The following PROS1 variants were observed in gnomAD, a reference collection of about 807,000 sequenced individuals.
The protein encoded by PROS1 is vitamin K-dependent protein S.
A neutral mutation model predicts 75.9 loss-of-function variants in PROS1; 29 were observed. The observed-to-expected ratio is 0.38, with a 90% CI of 0.28 to 0.52. The LOEUF (loss-of-function observed/expected upper bound fraction) is 0.52. Ranked by LOEUF, PROS1 falls within the 20% of genes least tolerant of loss-of-function variation. The probability of loss-of-function intolerance (pLI) is 0.83; values close to 1 mark genes in which losing one functional copy is unlikely to be tolerated. For missense variants in PROS1, 680 were observed against 810.3 expected, an observed-to-expected ratio of 0.84 and a Z score of 1.95; for synonymous variants, 245 against 280.6, an observed-to-expected ratio of 0.87 and a Z score of 1.27.
At chr3:93,948,200 T>G (rs1709436096) in intron 1 of PROS1, among the ~76,000 whole-genome samples, 2 of 151,712 alleles carry the variant, frequency 1.3e-5, no homozygotes, top group Non-Finnish European at 2.9e-5. Flanking sequence ...AAAATAGAGG[T>G]AATTGAAGAC....
At chr3:93,946,971 G>GA (rs761348786) in intron 1 of PROS1, among the ~76,000 whole-genome samples, 20 of 151,820 alleles carry the variant, frequency 1.3e-4, no homozygotes, top group East Asian at 5.8e-4. Flanking sequence ...AAATTTACAA[G>GA]AAAAAATCAA....
chr3:93,943,970 ACT>A (rs1465478170), intron 1 of PROS1, among the ~76,000 whole-genome samples: 2 of 151,898 alleles, frequency 1.3e-5, no homozygotes, highest in Admixed American at 6.6e-5. Flanking sequence ...TCCTTCACTG[ACT>A]CTCTTTTTGA....
intron 6 of PROS1, among the ~76,000 whole-genome samples, chr3:93,903,939 A>T (rs1708634685): frequency 6.7e-6 from 1 of 150,008 alleles, no homozygotes; most frequent in African/African-American, 2.4e-5. Flanking sequence ...AGCATTAGGT[A>T]TATCTCCCAA....
intron 3 of PROS1, among the ~76,000 whole-genome samples, chr3:93,917,116 C>T (rs188823015): frequency 6.8e-4 from 104 of 152,326 alleles, no homozygotes; most frequent in African/African-American, 2.2e-3. Context: ...ATTCATACCC[C>T]GCCCCTTTGA....
chr3:93,918,458 T>C (rs1417115927), intron 3 of PROS1, among the ~76,000 whole-genome samples: 1 of 152,126 alleles, frequency 6.6e-6, no homozygotes, highest in Non-Finnish European at 1.5e-5. Context: ...GGGTCCACAC[T>C]GCCTTTATGA....
intron 1 of PROS1, among the ~76,000 whole-genome samples, chr3:93,942,479 A>G (rs905247867): frequency 3.9e-5 from 6 of 152,208 alleles, no homozygotes; most frequent in Non-Finnish European, 7.3e-5. Flanking sequence ...ATCAGATCCC[A>G]TCGCTCAGGA....
chr3:93,969,803 C>G (rs1489477478), intron 1 of PROS1, among the ~76,000 whole-genome samples: 1 of 152,032 alleles, frequency 6.6e-6, no homozygotes, highest in East Asian at 1.9e-4. Context: ...CTTTAGTTAG[C>G]AATAGTTCAT....
rs199469502 is a variant in PROS1 at position 93,879,091 on chromosome 3, A to AAATAC, written c.1644+67_1644+71dup. On this transcript the variant is annotated intron_variant, in intron 13 of 14. Transcript: ENST00000394236. ...AATCTTCAAAATAGTCCTTTGAGGT[A>AAATAC]AATACTGCTATGTATACATTTTAAA... is the stretch of plus-strand genomic sequence containing the variant. 8.0e-3 allele frequency: 11,309 copies of AAATAC among 1,414,084 alleles called. 917 individuals carry two copies. The Admixed American group carries it at 0.16, about 20-fold the overall frequency. 87.6% of individuals were successfully genotyped at this position (1,414,084 alleles called of 1,614,324 possible).
chr3:93,915,998 C>T (rs1708842196), intron 3 of PROS1, among the ~76,000 whole-genome samples: 1 of 152,124 alleles, frequency 6.6e-6, no homozygotes, highest in African/African-American at 2.4e-5. Context: ...ATACCACAGA[C>T]TCAGTAATTT....
intron 8 of PROS1, among the ~76,000 whole-genome samples, chr3:93,897,265 T>C (rs1708515431): frequency 2.0e-5 from 3 of 152,246 alleles, no homozygotes; most frequent in African/African-American, 4.8e-5. Flanking sequence ...AAGAACATTA[T>C]TTAAAGTCAT....
chr3:93,928,789 A>G (rs1354802396), intron 1 of PROS1: 1 of 1,252,276 alleles, frequency 8.0e-7, no homozygotes, highest in Admixed American at 2.4e-5. Flanking sequence ...TTTCTAAAAT[A>G]TAAACAAACT....
At chr3:93,966,749 A>G (rs1343809870) in intron 1 of PROS1, among the ~76,000 whole-genome samples, 1 of 151,122 alleles carries the variant, frequency 6.6e-6, no homozygotes, top group African/African-American at 2.4e-5. Flanking sequence ...TGGTGGCAAC[A>G]TGCCTGTAGT....
rs1040605237 is a variant in PROS1, at chr3:93,916,233, C to G, written c.260-5528G>C. Among the ~76,000 whole-genome samples the G allele has an allele frequency of 3.9e-5, 6 of 152,254 alleles. 1 individual carries two copies. The highest frequency in any genetic ancestry group is 6.8e-3 in the Middle Eastern group (2 of 294). Reference sequence around the variant, plus strand: ...TATCTTTGGTTCATTTGTCCTTCTTCTTGAATCATCTACTTTCAGACTTCA... The same window carrying G: ...TATCTTTGGTTCATTTGTCCTTCTTGTTGAATCATCTACTTTCAGACTTCA... On this transcript the variant is annotated intron_variant, in intron 3 of 14. Transcript: ENST00000394236.
At chr3:93,920,247 T>TAATAA (rs1373190400) in intron 3 of PROS1, among the ~76,000 whole-genome samples, 3 of 151,982 alleles carry the variant, frequency 2.0e-5, no homozygotes, top group South Asian at 4.1e-4. Context: ...ATATAAAATA[T>TAATAA]AATAAAATAA....
chr3:93,940,683 G>A (rs934090534), intron 1 of PROS1, among the ~76,000 whole-genome samples: 3 of 151,650 alleles, frequency 2.0e-5, no homozygotes, highest in Admixed American at 6.6e-5. Flanking sequence ...TACCTCCCTG[G>A]CAACTGATCA....
chr3:93,941,881 C>A (rs148470201), intron 1 of PROS1, among the ~76,000 whole-genome samples: 2 of 152,328 alleles, frequency 1.3e-5, no homozygotes, highest in East Asian at 3.9e-4. Context: ...CTTCCTCACA[C>A]CTGGTGCGTA....
At chr3:93,894,458 A>C (rs1382059210) in intron 9 of PROS1, among the ~76,000 whole-genome samples, 10 of 152,308 alleles carry the variant, frequency 6.6e-5, no homozygotes, top group Admixed American at 3.9e-4. Context: ...AAGCAATATT[A>C]TCTTGCCAAA....
intron 1 of PROS1, among the ~76,000 whole-genome samples, chr3:93,937,753 A>C (rs1277070886): frequency 1.3e-5 from 2 of 152,082 alleles, no homozygotes; most frequent in African/African-American, 4.8e-5. Flanking sequence ...CTTTGGTTTC[A>C]CTTCCTTGTT....
Position 93,898,435 on chromosome 3 carries a change from G to A in PROS1, c.849+13C>T. On this transcript the variant is annotated intron_variant, in intron 8 of 14. Coordinates refer to ENST00000394236, the MANE Select transcript of PROS1 (RefSeq NM_000313.4). ...GAAAACAGGTGAGAAGTTAAGCATT[G>A]TAAAATGTTTACCTCACAACTCTTC... 1 of 1,611,710 alleles carries A rather than the reference G, an allele frequency of 6.2e-7. No homozygotes were observed. The highest frequency in any genetic ancestry group is 8.5e-7 in the Non-Finnish European group (1 of 1,178,248).
Sources: gnomAD v4.1 joint callset for allele counts (sites outside exome capture counted in the v4.1 genomes callset) on GRCh38, gnomAD v4.1.1 for gene constraint, MANE v1.5 for transcripts, NCBI Gene and HGNC (gene_info 2026-07-23, HGNC 2026-07-21) for gene names.